Variants in DNER observed in about 807,000 individuals in gnomAD.
DNER encodes the protein delta/notch like EGF repeat containing.
Under a neutral mutation model 78.2 loss-of-function variants are expected in DNER, and 33 were observed. That is an observed-to-expected ratio of 0.42 (90% CI 0.32 to 0.56). The LOEUF is 0.56. Among genes scored for constraint, DNER ranks in the 20% least tolerant of loss-of-function variants. The pLI is 0.11. For missense variants in DNER, 918 were observed against 975.3 expected (o/e 0.94, Z 0.78); for synonymous variants, 417 against 384.8 (o/e 1.08, Z -0.98).
At chr2:229,544,085 A>T (rs1696571382) in intron 5 of DNER, among the ~76,000 whole-genome samples, 1 of 152,110 alleles carries the variant, frequency 6.6e-6, no homozygotes, top group South Asian at 2.1e-4. Flanking sequence ...AAAGAAAAAA[A>T]ATATGTTCTC....
At chr2:229,453,636 C>A (rs1260078183) in intron 7 of DNER, among the ~76,000 whole-genome samples, 1 of 152,110 alleles carries the variant, frequency 6.6e-6, no homozygotes, top group Admixed American at 6.6e-5. Context: ...ATTGAGAGAC[C>A]TCTCCTCTTG....
At chr2:229,569,652 A>G (rs578112113) in intron 4 of DNER, among the ~76,000 whole-genome samples, 2 of 152,296 alleles carry the variant, frequency 1.3e-5, no homozygotes, top group Admixed American at 1.3e-4. Context: ...AATACCTAAT[A>G]GAAGGTCAAT....
intron 7 of DNER, among the ~76,000 whole-genome samples, chr2:229,470,792 G>A (rs1487000763): frequency 6.6e-6 from 1 of 152,196 alleles, no homozygotes; most frequent in Non-Finnish European, 1.5e-5. Flanking sequence ...GGAGGTTACA[G>A]TGAGCCAAGA....
chr2:229,586,958 T>C, intron 3 of DNER: 1 of 985,382 alleles, frequency 1.0e-6, no homozygotes, highest in Non-Finnish European at 1.2e-6. Context: ...CCCCCACAAG[T>C]GAATTCAGTG....
intron 1 of DNER, among the ~76,000 whole-genome samples, chr2:229,696,707 G>A (rs1287240019): frequency 1.3e-5 from 2 of 152,230 alleles, no homozygotes; most frequent in Non-Finnish European, 2.9e-5. Flanking sequence ...GGGAGGTACA[G>A]GAGGCTGGGC....
At chr2:229,676,370 G>C (rs1462045574) in intron 1 of DNER, among the ~76,000 whole-genome samples, 1 of 152,174 alleles carries the variant, frequency 6.6e-6, no homozygotes, top group Non-Finnish European at 1.5e-5. Flanking sequence ...ATACTCACCT[G>C]CTCCAAAAGT....
At chr2:229,422,458 T>C (rs1021538417) in intron 8 of DNER, among the ~76,000 whole-genome samples, 1 of 152,168 alleles carries the variant, frequency 6.6e-6, no homozygotes, top group African/African-American at 2.4e-5. Context: ...CTTATTTCTT[T>C]CGGATTGACG....
At chr2:229,603,475 C>T (rs1213699396) in intron 1 of DNER, among the ~76,000 whole-genome samples, 1 of 152,094 alleles carries the variant, frequency 6.6e-6, no homozygotes, top group African/African-American at 2.4e-5. Flanking sequence ...ATAAAATATA[C>T]TATACAGCCA....
chr2:229,395,859 T>C (rs10196190), intron 10 of DNER, among the ~76,000 whole-genome samples: 17,933 of 151,988 alleles, frequency 0.12, 1,796 homozygotes, highest in East Asian at 0.52. Flanking sequence ...GATGGCGCCA[T>C]TGCACTCCAG....
chr2:229,368,377 C>A (rs59140604), intron 11 of DNER, among the ~76,000 whole-genome samples: 24,268 of 151,882 alleles, frequency 0.16, 3,503 homozygotes, highest in African/African-American at 0.39. Flanking sequence ...GAAGAAAAAA[C>A]ACACACACAC....
intron 4 of DNER, among the ~76,000 whole-genome samples, chr2:229,553,655 C>A (rs1211442277): frequency 6.6e-6 from 1 of 152,154 alleles, no homozygotes; most frequent in Non-Finnish European, 1.5e-5. Context: ...TGGCCTAGGT[C>A]CCCCAGGCAA....
intron 9 of DNER, among the ~76,000 whole-genome samples, chr2:229,412,901 C>T (rs1434134604): frequency 6.6e-6 from 1 of 152,182 alleles, no homozygotes. Context: ...ATGAATTTTC[C>T]TGAAACCTCT....
At chr2:229,481,893 C>A (rs564827174) in intron 6 of DNER, among the ~76,000 whole-genome samples, 1 of 152,316 alleles carries the variant, frequency 6.6e-6, no homozygotes, top group Non-Finnish European at 1.5e-5. Flanking sequence ...TTTGCTCTAG[C>A]ATGCATACAC....
At chr2:229,556,513 T>C (rs920476106) in intron 4 of DNER, among the ~76,000 whole-genome samples, 2 of 152,232 alleles carry the variant, frequency 1.3e-5, no homozygotes, top group African/African-American at 2.4e-5. Flanking sequence ...CTAAGTCACA[T>C]GAGTGATGCG....
intron 1 of DNER, among the ~76,000 whole-genome samples, chr2:229,678,577 C>T (rs1699334924): frequency 6.6e-6 from 1 of 152,192 alleles, no homozygotes; most frequent in Non-Finnish European, 1.5e-5. Flanking sequence ...AGCCAACATG[C>T]AGTAATAACC....
intron 6 of DNER, among the ~76,000 whole-genome samples, chr2:229,499,399 C>T (rs1339494002): frequency 1.4e-5 from 2 of 143,434 alleles, no homozygotes; most frequent in Non-Finnish European, 3.0e-5. Context: ...GAGCCAAGAT[C>T]ATGCCACTGC....
chr2:229,434,154 G>A (rs941877288), intron 8 of DNER, among the ~76,000 whole-genome samples: 10 of 152,154 alleles, frequency 6.6e-5, no homozygotes, highest in South Asian at 2.1e-4. Flanking sequence ...TTTGGTACAC[G>A]GAGTCCACAA....
At chr2:229,511,552 TAA>T (rs1695864547) in intron 6 of DNER, among the ~76,000 whole-genome samples, 1 of 152,196 alleles carries the variant, frequency 6.6e-6, no homozygotes, top group Non-Finnish European at 1.5e-5. Context: ...CAAGAAATGT[TAA>T]AAACTTCCCA....
At chr2:229,694,647 G>A (rs1699634397) in intron 1 of DNER, among the ~76,000 whole-genome samples, 1 of 152,222 alleles carries the variant, frequency 6.6e-6, no homozygotes. Context: ...AGACTTGGAT[G>A]GGACTTGTAG....
Sources: gnomAD v4.1 joint callset for allele counts (sites outside exome capture counted in the v4.1 genomes callset) on GRCh38, gnomAD v4.1.1 for gene constraint, MANE v1.5 for transcripts, NCBI Gene and HGNC (gene_info 2026-07-23, HGNC 2026-07-21) for gene names.